The following NPAS3 variants were observed in gnomAD, a reference collection of about 807,000 sequenced individuals.
The protein encoded by NPAS3 is neuronal PAS domain protein 3.
Under a neutral mutation model 73.1 loss-of-function variants are expected in NPAS3, and 14 were observed. The observed-to-expected ratio is 0.19, with a 90% confidence interval of 0.13 to 0.30. The LOEUF (loss-of-function observed/expected upper bound fraction) is 0.30, where lower values mean the gene tolerates loss of function less well. Among genes scored for constraint, NPAS3 ranks in the 10% least tolerant of loss-of-function variants. The pLI is 1.00. For synonymous variants in NPAS3, 620 were observed against 541.5 expected (o/e 1.14, Z -2.01); for missense variants, 1,096 against 1,250.0 (o/e 0.88, Z 1.86).
chr14:33,547,448 T>C (rs898619264), intron 4 of NPAS3, among the ~76,000 whole-genome samples: 3 of 152,196 alleles, frequency 2.0e-5, no homozygotes, highest in Non-Finnish European at 1.5e-5. Flanking sequence ...GTAATCATTA[T>C]ACACCCCCTG....
At chr14:33,303,906 T>C (rs979574168) in intron 3 of NPAS3, among the ~76,000 whole-genome samples, 2 of 152,112 alleles carry the variant, frequency 1.3e-5, no homozygotes, top group Non-Finnish European at 2.9e-5. Flanking sequence ...AAGCTTTGTT[T>C]TTGTTTTTGT....
At chr14:33,551,957 C>T (rs879748156) in intron 4 of NPAS3, among the ~76,000 whole-genome samples, 7 of 152,202 alleles carry the variant, frequency 4.6e-5, no homozygotes, top group Non-Finnish European at 8.8e-5. Context: ...TGGAAACTGC[C>T]TTTGCCTTGG....
chr14:33,669,076 G>C (rs74042368), intron 5 of NPAS3, among the ~76,000 whole-genome samples: 101 of 152,220 alleles, frequency 6.6e-4, no homozygotes, highest in African/African-American at 2.4e-3. Context: ...CAATATCAAG[G>C]ATTTTATGTT....
intron 7 of NPAS3, among the ~76,000 whole-genome samples, chr14:33,762,570 T>C (rs543370588): frequency 6.6e-6 from 1 of 151,844 alleles, no homozygotes; most frequent in South Asian, 2.1e-4. Flanking sequence ...TTGGGGGCTC[T>C]TTTTTTTAAG....
intron 3 of NPAS3, among the ~76,000 whole-genome samples, chr14:33,335,035 T>TGTGC: frequency 8.6e-6 from 1 of 116,530 alleles, no homozygotes; most frequent in East Asian, 2.2e-4. Flanking sequence ...TTCCATTGTG[T>TGTGC]GTGTGTGCGT....
intron 2 of NPAS3, among the ~76,000 whole-genome samples, chr14:33,193,346 C>T (rs889383765): frequency 6.4e-4 from 97 of 152,004 alleles, no homozygotes; most frequent in African/African-American, 2.2e-3. Flanking sequence ...AAATCCCAGC[C>T]ATAGGGGAGT....
At chr14:33,693,223 C>G (rs982021202) in intron 6 of NPAS3, among the ~76,000 whole-genome samples, 4 of 152,084 alleles carry the variant, frequency 2.6e-5, no homozygotes, top group African/African-American at 9.7e-5. Flanking sequence ...TCTTTGTTAC[C>G]ATTGTTATTC....
chr14:33,128,402 C>A (rs991348058), intron 2 of NPAS3, among the ~76,000 whole-genome samples: 1 of 151,970 alleles, frequency 6.6e-6, no homozygotes, highest in East Asian at 1.9e-4. Flanking sequence ...TTCTTATATA[C>A]CAGAAATTTG....
chr14:33,629,780 C>T (rs1313731687), intron 5 of NPAS3, among the ~76,000 whole-genome samples: 3 of 150,664 alleles, frequency 2.0e-5, no homozygotes, highest in Non-Finnish European at 1.5e-5. Context: ...CTTTTTTATT[C>T]TAGCACTAGA....
intron 1 of NPAS3, among the ~76,000 whole-genome samples, chr14:33,027,197 C>A (rs2039834562): frequency 6.6e-6 from 1 of 152,146 alleles, no homozygotes; most frequent in Non-Finnish European, 1.5e-5. Context: ...GGCACAAGGG[C>A]CCTATTTTTC....
At chr14:33,196,684 CCTTTCATGT>C (rs2139547613) in intron 2 of NPAS3, among the ~76,000 whole-genome samples, 2 of 152,290 alleles carry the variant, frequency 1.3e-5, no homozygotes, top group South Asian at 4.1e-4. Flanking sequence ...CTTATTCCTG[CCTTTCATGT>C]ACAAATTGTT....
At chr14:33,566,106 A>G (rs930762353) in intron 5 of NPAS3, among the ~76,000 whole-genome samples, 1 of 152,166 alleles carries the variant, frequency 6.6e-6, no homozygotes, top group Non-Finnish European at 1.5e-5. Flanking sequence ...ATTCAGAAAC[A>G]GTACAAGGCA....
intron 5 of NPAS3, among the ~76,000 whole-genome samples, chr14:33,655,331 CTTTTTTTT>C (rs3059406): frequency 1.0e-4 from 11 of 105,892 alleles, no homozygotes; most frequent in South Asian, 3.2e-4. Context: ...ACCTTTGGCT[CTTTTTTTT>C]TTTTTTTTTT....
intron 4 of NPAS3, among the ~76,000 whole-genome samples, chr14:33,516,367 A>G (rs1566965312): frequency 6.6e-6 from 1 of 152,176 alleles, no homozygotes; most frequent in Non-Finnish European, 1.5e-5. Flanking sequence ...TTACTTGCTT[A>G]GTCTGTTTTC....
chr14:33,262,371 G>T (rs1404738072), intron 3 of NPAS3, among the ~76,000 whole-genome samples: 1 of 152,180 alleles, frequency 6.6e-6, no homozygotes, highest in Non-Finnish European at 1.5e-5. Flanking sequence ...TTTCCTTCAA[G>T]TTCTATACAC....
rs139842568 is a variant in NPAS3, at chr14:33,606,071, T to TTTATTA, written c.558+45879_558+45884dup. Reference sequence around the variant, plus strand: ...CACATTTATAGGCAGCTGACTTTCTTTTATTATTATTATTATTATTATTTA... The same window carrying TTTATTA: ...CACATTTATAGGCAGCTGACTTTCTTTTATTATTATTATTATTATTATTATTATTTA... On this transcript the variant is annotated intron_variant, in intron 5 of 11. Coordinates refer to ENST00000356141, the Ensembl canonical transcript of NPAS3. Among the ~76,000 whole-genome samples the TTTATTA allele has an allele frequency of 9.9e-5, 15 of 151,076 alleles. No individual in the cohort carries two copies. In the East Asian group the frequency reaches 2.6e-3, roughly 26 times the overall value.
intron 5 of NPAS3, among the ~76,000 whole-genome samples, chr14:33,658,593 G>C (rs1351785098): frequency 6.6e-6 from 1 of 152,206 alleles, no homozygotes. Context: ...GAAAGTGAGA[G>C]AGAGAGGCCT....
chr14:33,707,134 C>T (rs754755911), intron 6 of NPAS3, among the ~76,000 whole-genome samples: 4 of 152,144 alleles, frequency 2.6e-5, no homozygotes, highest in Admixed American at 1.3e-4. Context: ...TCTCCTACTC[C>T]TAAGCCAAGA....
At chr14:33,167,649 A>G (rs2045215054) in intron 2 of NPAS3, among the ~76,000 whole-genome samples, 1 of 152,218 alleles carries the variant, frequency 6.6e-6, no homozygotes, top group African/African-American at 2.4e-5. Flanking sequence ...TCTCAGGTCC[A>G]GAATTTGTTC....
Sources: allele counts gnomAD v4.1 joint callset (sites outside exome capture counted in the v4.1 genomes callset), GRCh38; gene constraint gnomAD v4.1.1; transcripts MANE v1.5; gene names NCBI Gene and HGNC (gene_info 2026-07-23, HGNC 2026-07-21).